The following ATG14 variants were observed in gnomAD, a reference collection of about 807,000 sequenced individuals.
ATG14 encodes the protein autophagy related 14.
ATG14 carries 35 observed loss-of-function variants against 60.4 expected under a neutral mutation model. The observed-to-expected ratio is 0.58, with a 90% CI of 0.44 to 0.77. The LOEUF (loss-of-function observed/expected upper bound fraction) is 0.77. Ranked by LOEUF, ATG14 falls within the 30% of genes least tolerant of loss-of-function variation. ATG14 has a pLI of 0.00. For missense variants in ATG14, 647 were observed against 626.3 expected (o/e 1.03, Z -0.35); for synonymous variants, 234 against 228.8 (o/e 1.02, Z -0.21).
chr14:55,382,738 G>C (rs775149740), intron 5 of ATG14, among the ~76,000 whole-genome samples: 6 of 152,142 alleles, frequency 3.9e-5, no homozygotes, highest in Non-Finnish European at 8.8e-5. Flanking sequence ...CACACAATGT[G>C]AGGAAGACGG....
At chr14:55,385,290 T>C (rs573589820) in intron 5 of ATG14, among the ~76,000 whole-genome samples, 1 of 151,090 alleles carries the variant, frequency 6.6e-6, no homozygotes, top group Admixed American at 6.6e-5. Context: ...GGTTCTCTGG[T>C]TTTTTTTTGT....
At chr14:55,404,926 G>A (rs1466968415) in intron 1 of ATG14, among the ~76,000 whole-genome samples, 1 of 152,146 alleles carries the variant, frequency 6.6e-6, no homozygotes, top group Non-Finnish European at 1.5e-5. Context: ...CATGGGGTGA[G>A]GGTAGGGAAG....
At chr14:55,403,721 G>A (rs1885447469) in intron 1 of ATG14, among the ~76,000 whole-genome samples, 1 of 152,106 alleles carries the variant, frequency 6.6e-6, no homozygotes, top group Non-Finnish European at 1.5e-5. Context: ...AGTATGTATT[G>A]TGTGATCCCA....
rs1171177374 is a variant in ATG14 at position 55,368,653 on chromosome 14, G to C, written c.*966C>G. 1 of 152,202 alleles carries C rather than the reference G, an allele frequency of 6.6e-6. No individual in the cohort carries two copies. The highest frequency in any genetic ancestry group is 2.4e-5 in the African/African-American group (1 of 41,456). The allele number at this position is 152,202 out of a possible 1,614,324, so 9.4% of individuals were successfully genotyped here. A position where few individuals can be genotyped will look rare whatever the true frequency, so the allele number is the denominator to read the frequency against. ...AGAGTTCGGGGAAACAAGTAGGATG[G>C]TTTCCCCTGAAAACACCTGCCACCT... On this transcript the variant is annotated 3_prime_UTR_variant, in exon 10 of 10. Transcript: ENST00000247178.
chr14:55,409,710 T>C (rs1437326932), intron 1 of ATG14, among the ~76,000 whole-genome samples: 1 of 152,004 alleles, frequency 6.6e-6, no homozygotes, highest in Non-Finnish European at 1.5e-5. Context: ...GCAGATTAGG[T>C]AAGGGAGAAA....
chr14:55,380,875 A>ATATATATATTTTTTTT lies in ATG14; in HGVS notation c.878-186_878-185insAAAAAAAATATATATA, dbSNP rs377330757. 6.7e-3 allele frequency among the ~76,000 whole-genome samples: 753 copies of ATATATATATTTTTTTT among 112,414 alleles called. 4 individuals carry two copies. The highest frequency in any genetic ancestry group is 0.011 in the Non-Finnish European group (615 of 57,034). The allele number at this position is 112,414 out of a possible 152,430, so 73.7% of individuals were successfully genotyped here. On this transcript the variant is annotated intron_variant, in intron 6 of 9. Coordinates refer to ENST00000247178, the MANE Select transcript of ATG14 (RefSeq NM_014924.5). The stretch of plus-strand genomic sequence containing the variant: ...TGTGTGTATATATATATATATATAT[A>ATATATATATTTTTTTT]TTTTTTTTTTTTTTTTTGCTGAGAG...
At chr14:55,383,598 C>CAAAA (rs1258861694) in intron 5 of ATG14, among the ~76,000 whole-genome samples, 1 of 150,940 alleles carries the variant, frequency 6.6e-6, no homozygotes, top group Non-Finnish European at 1.5e-5. Flanking sequence ...CAAAAAAAAC[C>CAAAA]CCCAAGAACA....
At chr14:55,380,875 ATT>A (rs1170779991) in intron 6 of ATG14, among the ~76,000 whole-genome samples, 185 bp from the exon 7 acceptor site, 189 of 112,706 alleles carry the variant, frequency 1.7e-3, no homozygotes, top group Non-Finnish European at 1.7e-3. Flanking sequence ...ATATATATAT[ATT>A]TTTTTTTTTT....
At chr14:55,392,779 A>T (rs1278457328) in intron 3 of ATG14, among the ~76,000 whole-genome samples, 2 of 152,212 alleles carry the variant, frequency 1.3e-5, no homozygotes, top group Non-Finnish European at 2.9e-5. Context: ...CACTTATCTA[A>T]GTAGTCTGAT....
At chr14:55,400,890 T>C (rs1885386749) in intron 1 of ATG14, among the ~76,000 whole-genome samples, 2 of 150,114 alleles carry the variant, frequency 1.3e-5, no homozygotes, top group Non-Finnish European at 3.0e-5. Flanking sequence ...GGTGACAGAG[T>C]GAGACTGTCT....
intron 6 of ATG14, 148 bp from the exon 7 acceptor site, chr14:55,380,838 T>C: frequency 3.6e-6 from 1 of 281,070 alleles, no homozygotes; most frequent in Non-Finnish European, 6.5e-6. Context: ...CAGACATAAA[T>C]GGTCCATTCT....
Position 55,369,938 on chromosome 14 carries a change from A to AATGAGGGTCTCTTT in ATG14, c.1173-27_1173-14dup. On this transcript the variant is annotated splice_polypyrimidine_tract_variant and intron_variant, in intron 9 of 9. Transcript: ENST00000247178. Reference sequence around the variant, plus strand: ...AAAGGGCCCTGACCTGTGTGCAGACAATGAGGGTCTCTTTAGGATAACAAC... The same window carrying AATGAGGGTCTCTTT: ...AAAGGGCCCTGACCTGTGTGCAGACAATGAGGGTCTCTTTATGAGGGTCTCTTTAGGATAACAAC... The AATGAGGGTCTCTTT allele has an allele frequency of 6.3e-7, 1 of 1,578,766 alleles. No individual in the cohort carries two copies. Among genetic ancestry groups the AATGAGGGTCTCTTT allele is most frequent in the Non-Finnish European group, 8.6e-7 (1 of 1,160,334 alleles).
At chr14:55,395,116 G>A in intron 3 of ATG14, 1 of 483,298 alleles carries the variant, frequency 2.1e-6, no homozygotes, top group South Asian at 1.5e-5. Flanking sequence ...CTTTCCTGCT[G>A]CTTTCTCAGC....
chr14:55,408,467 A>C (rs972305453), intron 1 of ATG14, among the ~76,000 whole-genome samples: 1 of 152,000 alleles, frequency 6.6e-6, no homozygotes, highest in African/African-American at 2.4e-5. Context: ...CCCCTCAAAC[A>C]AACTTCCTCA....
chr14:55,392,650 A>C (rs1318427244), intron 3 of ATG14, among the ~76,000 whole-genome samples: 4 of 143,948 alleles, frequency 2.8e-5, no homozygotes, highest in Non-Finnish European at 6.1e-5. Flanking sequence ...CTCCACCTCA[A>C]AAAAAAAAAA....
rs938062536 is a variant in ATG14 at position 55,405,889 on chromosome 14, CG to C, written c.221+5712del. ...TGGGTCTCCCCTGGGGGTGGGGTGG[CG>C]GGGGGGGCAGGGGAAGAAAAGGCAG... is the stretch of plus-strand genomic sequence containing the variant. On this transcript the variant is annotated intron_variant, in intron 1 of 9. Transcript: ENST00000247178. Among the ~76,000 whole-genome samples, 42 of 39,852 alleles carry C rather than the reference CG, an allele frequency of 1.1e-3. No homozygotes were observed. In the East Asian group the frequency reaches 0.022, roughly 21 times the overall value. The allele number at this position is 39,852 out of a possible 152,430, so 26.1% of individuals were successfully genotyped here.
At chr14:55,400,901 CAAAT>C (rs1437421892) in intron 1 of ATG14, among the ~76,000 whole-genome samples, 154 of 138,864 alleles carry the variant, frequency 1.1e-3, no homozygotes, top group African/African-American at 4.2e-3. Flanking sequence ...GAGACTGTCT[CAAAT>C]AAATAAATAA....
At chr14:55,410,187 T>C (rs2140156906) in intron 1 of ATG14, among the ~76,000 whole-genome samples, 1 of 152,342 alleles carries the variant, frequency 6.6e-6, no homozygotes, top group South Asian at 2.1e-4. Context: ...GTTTGCCATA[T>C]TAAAATGAAG....
rs370766059 is a variant in ATG14, at chr14:55,395,585, C to A, written c.327+355G>T. On this transcript the variant is annotated intron_variant, in intron 3 of 9. Coordinates refer to ENST00000247178, the MANE Select transcript of ATG14 (RefSeq NM_014924.5). Reference sequence around the variant, plus strand: ...CTACGGTTTATAAAGGTTCTCCCCACTCCAAGATTATGTAAATAGCCACCC... The same window carrying A: ...CTACGGTTTATAAAGGTTCTCCCCAATCCAAGATTATGTAAATAGCCACCC... Among the ~76,000 whole-genome samples, 8 of 152,334 alleles carry A rather than the reference C, an allele frequency of 5.3e-5. No homozygotes were observed. The East Asian group carries it at 1.5e-3, about 29-fold the overall frequency.
Sources: gnomAD v4.1 joint callset for allele counts (sites outside exome capture counted in the v4.1 genomes callset) on GRCh38, gnomAD v4.1.1 for gene constraint, MANE v1.5 for transcripts, NCBI Gene and HGNC (gene_info 2026-07-23, HGNC 2026-07-21) for gene names.